MAP2K4: variants seen among roughly 807,000 people sequenced by gnomAD.
MAP2K4 encodes the protein dual specificity mitogen-activated protein kinase kinase 4.
A neutral mutation model predicts 48.5 loss-of-function variants in MAP2K4; 4 were observed. The observed-to-expected ratio is 0.08, with a 90% confidence interval of 0.04 to 0.19. The LOEUF (loss-of-function observed/expected upper bound fraction) is 0.19, where lower values mean the gene tolerates loss of function less well. Ranked by LOEUF, MAP2K4 falls within the 10% of genes least tolerant of loss-of-function variation. MAP2K4 has a pLI of 1.00. For synonymous variants in MAP2K4, 166 were observed against 173.1 expected, an observed-to-expected ratio of 0.96 and a Z score of 0.32; for missense variants, 258 against 493.3, an observed-to-expected ratio of 0.52 and a Z score of 4.52.
chr17:12,123,286 A>G (rs1972752298), intron 7 of MAP2K4, among the ~76,000 whole-genome samples: 1 of 152,236 alleles, frequency 6.6e-6, no homozygotes. Context: ...ATTAAGTAAC[A>G]TAGTTTAAAG....
intron 1 of MAP2K4, among the ~76,000 whole-genome samples, chr17:12,040,307 A>C (rs1969738342): frequency 6.6e-6 from 1 of 152,226 alleles, no homozygotes; most frequent in African/African-American, 2.4e-5. Flanking sequence ...TACGACTGAA[A>C]GCAAATTATA....
At chr17:12,050,214 AG>A (rs1412136010) in intron 1 of MAP2K4, among the ~76,000 whole-genome samples, 4 of 152,142 alleles carry the variant, frequency 2.6e-5, no homozygotes, top group African/African-American at 9.7e-5. Context: ...AGATGGCGGC[AG>A]GGGGCAGGGG....
chr17:12,128,055 G>A (rs185034880), intron 8 of MAP2K4, among the ~76,000 whole-genome samples: 7 of 152,200 alleles, frequency 4.6e-5, no homozygotes, highest in Non-Finnish European at 7.4e-5. Context: ...ATGTTTCTTG[G>A]AAAAAGCAAA....
At chr17:12,070,127 TAA>T (rs991602255) in intron 2 of MAP2K4, among the ~76,000 whole-genome samples, 2 of 150,950 alleles carry the variant, frequency 1.3e-5, no homozygotes, top group Non-Finnish European at 3.0e-5. Context: ...GATAGTGAAA[TAA>T]GAGGAGAAAA....
At position 12,034,555 on chromosome 17, in the gene MAP2K4, G is replaced by A. The variant is rs573657158; in HGVS notation, c.115+13554G>A. On this transcript the variant is annotated intron_variant, in intron 1 of 10. Transcript: ENST00000353533. ...AACACAGTTATTTATATACATTCAC[G>A]AAATCACATATTGGACACCTAGAAA... Among the ~76,000 whole-genome samples, 11 of 152,222 alleles carry A rather than the reference G, an allele frequency of 7.2e-5. No homozygotes were observed. In the South Asian group the frequency reaches 1.9e-3, roughly 26 times the overall value.
rs1320887488 is a variant in MAP2K4, at chr17:12,141,823, G to C, written c.*563G>C. 1 of 233,704 alleles carries C rather than the reference G, an allele frequency of 4.3e-6. No individual in the cohort carries two copies. Among genetic ancestry groups the C allele is most frequent in the Non-Finnish European group, 8.5e-6 (1 of 118,232 alleles). The allele number at this position is 233,704 out of a possible 1,614,324, so 14.5% of individuals were successfully genotyped here. On this transcript the variant is annotated 3_prime_UTR_variant, in exon 11 of 11. Coordinates refer to ENST00000353533, the MANE Select transcript of MAP2K4 (RefSeq NM_003010.4). The stretch of plus-strand genomic sequence containing the variant: ...TGCTTTACAGTTACAGTTGATGTTT[G>C]GGGATCGATGTGCTCAGCCAAATTT...
intron 2 of MAP2K4, among the ~76,000 whole-genome samples, chr17:12,055,739 A>G (rs1169095399): frequency 6.6e-6 from 1 of 152,048 alleles, no homozygotes; most frequent in African/African-American, 2.4e-5. Flanking sequence ...AGAATTTGGT[A>G]TGCATTGTAT....
rs1010865686 is a variant in MAP2K4, at chr17:12,141,933, T to C, written c.*673T>C. 7 of 233,368 alleles carry C rather than the reference T, an allele frequency of 3.0e-5. No individual in the cohort carries two copies. Among genetic ancestry groups the C allele is most frequent in the Non-Finnish European group, 5.1e-5 (6 of 117,906 alleles). The allele number at this position is 233,368 out of a possible 1,614,324, so 14.5% of individuals were successfully genotyped here. A position where few individuals can be genotyped will look rare whatever the true frequency, so the allele number is the denominator to read the frequency against. ...GTTCAAAGAGGTGAACATTAAAATA[T>C]AGAGACAGGACAGAATGTGTTCTTT... On this transcript the variant is annotated 3_prime_UTR_variant, in exon 11 of 11. Transcript: ENST00000353533.
intron 1 of MAP2K4, among the ~76,000 whole-genome samples, chr17:12,040,802 T>C (rs183306921): frequency 1.5e-3 from 227 of 152,356 alleles, no homozygotes; most frequent in African/African-American, 5.4e-3. Context: ...TAATTAGTAA[T>C]GACCTTTTAA....
At chr17:12,111,024 C>G (rs1972287056) in intron 6 of MAP2K4, among the ~76,000 whole-genome samples, 1 of 152,130 alleles carries the variant, frequency 6.6e-6, no homozygotes, top group Non-Finnish European at 1.5e-5. Context: ...TTTAATCTGG[C>G]AAATAGATGA....
intron 3 of MAP2K4, among the ~76,000 whole-genome samples, chr17:12,091,420 T>G (rs1462612326): frequency 6.6e-6 from 1 of 152,178 alleles, no homozygotes; most frequent in Non-Finnish European, 1.5e-5. Flanking sequence ...TAACTGAACA[T>G]TTTTAGCTTG....
intron 8 of MAP2K4, 108 bp downstream of exon 8, chr17:12,125,479 G>A: frequency 1.2e-6 from 1 of 832,352 alleles, no homozygotes; most frequent in Non-Finnish European, 2.1e-6. Context: ...TATAATCACA[G>A]ACACTATGGT....
At chr17:12,124,932 C>T in intron 7 of MAP2K4, 1 of 203,894 alleles carries the variant, frequency 4.9e-6, no homozygotes, top group East Asian at 1.1e-4. Context: ...GCTTCGGCCT[C>T]CCAAAGTGCT....
chr17:12,086,939 T>G (rs1971387243), intron 3 of MAP2K4, among the ~76,000 whole-genome samples: 1 of 152,140 alleles, frequency 6.6e-6, no homozygotes, highest in South Asian at 2.1e-4. Context: ...CTCTGCCTCC[T>G]GGGTTCAAGT....
chr17:12,123,226 G>A (rs1339521157), intron 7 of MAP2K4, among the ~76,000 whole-genome samples: 1 of 152,178 alleles, frequency 6.6e-6, no homozygotes, highest in Admixed American at 6.5e-5. Context: ...TCACCAGTGA[G>A]CCCATCTGGG....
chr17:12,075,214 G>A (rs1432601147), intron 2 of MAP2K4, among the ~76,000 whole-genome samples: 1 of 152,198 alleles, frequency 6.6e-6, no homozygotes, highest in African/African-American at 2.4e-5. Context: ...AAATCTCGAG[G>A]AGAGAACAGA....
intron 2 of MAP2K4, among the ~76,000 whole-genome samples, chr17:12,062,265 C>T (rs972999786): frequency 2.6e-5 from 4 of 152,068 alleles, no homozygotes; most frequent in South Asian, 2.1e-4. Context: ...TCTAAGTCTT[C>T]CTGAGATAAG....
intron 1 of MAP2K4, among the ~76,000 whole-genome samples, chr17:12,050,691 GT>G (rs1274495531): frequency 6.6e-6 from 1 of 152,164 alleles, no homozygotes; most frequent in East Asian, 1.9e-4. Context: ...TGTTAAAAAG[GT>G]TTGTATTGCT....
At chr17:12,055,597 G>T (rs1432810088) in intron 2 of MAP2K4, among the ~76,000 whole-genome samples, 1 of 151,950 alleles carries the variant, frequency 6.6e-6, no homozygotes, top group Non-Finnish European at 1.5e-5. Context: ...GTGGTGTAAG[G>T]TATGATTAAA....
Sources: gnomAD v4.1 joint callset for allele counts (sites outside exome capture counted in the v4.1 genomes callset) on GRCh38, gnomAD v4.1.1 for gene constraint, MANE v1.5 for transcripts, NCBI Gene and HGNC (gene_info 2026-07-23, HGNC 2026-07-21) for gene names.